Variants in GNG7 observed in about 807,000 individuals in gnomAD.
GNG7 encodes the protein guanine nucleotide-binding protein G(I)/G(S)/G(O) subunit gamma-7.
In GNG7, 1 loss-of-function variant was observed where a neutral mutation model predicts 4.0. The ratio of observed to expected loss-of-function variants is 0.25; its 90% CI spans 0.09 to 1.18. The LOEUF is 1.18. Ranked by LOEUF, GNG7 falls within the 50% of genes most tolerant of loss-of-function variation. The probability of loss-of-function intolerance (pLI) is 0.50; values close to 1 mark genes in which losing one functional copy is unlikely to be tolerated. For missense variants in GNG7, 86 were observed against 91.9 expected, an observed-to-expected ratio of 0.94 and a Z score of 0.26; for synonymous variants, 34 against 36.9, an observed-to-expected ratio of 0.92 and a Z score of 0.29.
chr19:2,605,239 C>G (rs150369440), intron 2 of GNG7, among the ~76,000 whole-genome samples: 4 of 152,160 alleles, frequency 2.6e-5, no homozygotes, highest in African/African-American at 9.7e-5. Flanking sequence ...TCTCTGTTGC[C>G]CAGGTTGGAG....
rs930986026 is a variant in GNG7 at position 2,512,935 on chromosome 19, C to A, written c.*2087G>T. 4.1e-6 allele frequency: 4 copies of A among 985,394 alleles called. No homozygotes were observed. The highest frequency in any genetic ancestry group is 6.1e-5 in the Admixed American group (1 of 16,264). 61.0% of individuals were successfully genotyped at this position (985,394 alleles called of 1,614,324 possible). A position where few individuals can be genotyped will look rare whatever the true frequency, so the allele number is the denominator to read the frequency against. The stretch of plus-strand genomic sequence containing the variant: ...CACCCCAAACCCTGCCGGCTCCCAG[C>A]CCAACCACAGGAGGCTGCAGTCTCC... On this transcript the variant is annotated 3_prime_UTR_variant, in exon 5 of 5. Transcript: ENST00000382159. The surrounding 1 kb of genome is among the most constrained non-coding windows in gnomAD (Gnocchi z 4.7).
chr19:2,684,674 C>A (rs955356904), intron 1 of GNG7, among the ~76,000 whole-genome samples: 5 of 152,144 alleles, frequency 3.3e-5, no homozygotes, highest in African/African-American at 1.2e-4. Context: ...TTCCCAGAGC[C>A]CTCAGATTCA....
chr19:2,657,900 CCTCTCT>C (rs111871407), intron 1 of GNG7, among the ~76,000 whole-genome samples: 14 of 148,014 alleles, frequency 9.5e-5, no homozygotes, highest in Admixed American at 5.5e-4. Context: ...TAAGCTGTCT[CCTCTCT>C]CTCTCTCTCT....
chr19:2,639,882 GGAGGGAGA>G, intron 2 of GNG7, among the ~76,000 whole-genome samples: 1 of 53,706 alleles, frequency 1.9e-5, no homozygotes, highest in African/African-American at 8.4e-5. Context: ...AAGGAAGGAG[GGAGGGAGA>G]GAGGGAAGGA....
intron 2 of GNG7, among the ~76,000 whole-genome samples, chr19:2,578,274 G>A (rs1293965072): frequency 6.6e-6 from 1 of 152,092 alleles, no homozygotes; most frequent in African/African-American, 2.4e-5. Flanking sequence ...CAAATCCCCC[G>A]TTAGAGCCGG....
At chr19:2,624,624 C>T (rs1024790441) in intron 2 of GNG7, among the ~76,000 whole-genome samples, 1 of 152,196 alleles carries the variant, frequency 6.6e-6, no homozygotes, top group Non-Finnish European at 1.5e-5. Context: ...GTCTGGTTGC[C>T]GGTGGTGCCA....
intron 2 of GNG7, among the ~76,000 whole-genome samples, chr19:2,636,637 G>T (rs1395797944): frequency 1.3e-5 from 2 of 152,138 alleles, no homozygotes; most frequent in African/African-American, 2.4e-5. Flanking sequence ...AGTGCCTCCC[G>T]CCTCCTGCCA....
intron 2 of GNG7, among the ~76,000 whole-genome samples, chr19:2,635,860 G>A (rs1018626272): frequency 1.3e-5 from 2 of 152,082 alleles, no homozygotes; most frequent in African/African-American, 4.8e-5. Context: ...TGGGATTACA[G>A]GTGTGAGCCA....
intron 1 of GNG7, among the ~76,000 whole-genome samples, chr19:2,673,270 AAACAAAAC>A (rs1983508793): frequency 1.4e-5 from 2 of 146,970 alleles, no homozygotes; most frequent in South Asian, 2.1e-4. Context: ...AAAAAAAACA[AAACAAAAC>A]AAAACAAAAC....
At chr19:2,601,120 G>C (rs1435309926) in intron 2 of GNG7, among the ~76,000 whole-genome samples, 1 of 151,980 alleles carries the variant, frequency 6.6e-6, no homozygotes, top group African/African-American at 2.4e-5. Context: ...GGGTGACAAG[G>C]AGAGACCTCC....
At chr19:2,606,695 A>C (rs11882926) in intron 2 of GNG7, among the ~76,000 whole-genome samples, 2 of 149,474 alleles carry the variant, frequency 1.3e-5, no homozygotes, top group East Asian at 3.9e-4. Flanking sequence ...TAATTAATTT[A>C]AAAAAAAAGT....
chr19:2,643,002 T>C, intron 2 of GNG7: 1 of 449,042 alleles, frequency 2.2e-6, no homozygotes, highest in Non-Finnish European at 4.4e-6. Flanking sequence ...CTCTCCGGGC[T>C]CTACACACCT....
At chr19:2,548,709 A>T (rs1292042724) in intron 3 of GNG7, among the ~76,000 whole-genome samples, 1 of 152,166 alleles carries the variant, frequency 6.6e-6, no homozygotes, top group South Asian at 2.1e-4. Context: ...GAATCGCTTG[A>T]ACCCACGTGG....
intron 2 of GNG7, among the ~76,000 whole-genome samples, chr19:2,604,679 A>G (rs1300751351): frequency 2.8e-5 from 4 of 140,696 alleles, no homozygotes; most frequent in African/African-American, 7.8e-5. Context: ...GGAAGGAAGG[A>G]AGGGAGGGAG....
At chr19:2,671,455 C>A (rs1275185162) in intron 1 of GNG7, among the ~76,000 whole-genome samples, 1 of 152,154 alleles carries the variant, frequency 6.6e-6, no homozygotes, top group Admixed American at 6.5e-5. Context: ...GTCCGGCCTG[C>A]CTTCTGCCTC....
intron 3 of GNG7, among the ~76,000 whole-genome samples, chr19:2,537,751 G>T (rs1978789570): frequency 6.6e-6 from 1 of 151,460 alleles, no homozygotes; most frequent in African/African-American, 2.4e-5. Context: ...CCCGGTTACA[G>T]TGACTGCAGG....
Position 2,572,596 on chromosome 19 carries a change from CCT to C in GNG7, c.-77-17410_-77-17409del, listed in dbSNP as rs1491397007. Among the ~76,000 whole-genome samples the C allele has an allele frequency of 4.6e-3, 659 of 143,026 alleles. 5 individuals carry two copies. Among genetic ancestry groups the C allele is most frequent in the Non-Finnish European group, 8.1e-3 (523 of 64,642 alleles). The allele number at this position is 143,026 out of a possible 152,430, so 93.8% of individuals were successfully genotyped here. ...ACAGGTGTAAGCCACCGCGCCCGGCCCTTTTTTTTTTTTTTTTTAAGAGTTAA... is the reference window on the plus strand; with the variant it reads ...ACAGGTGTAAGCCACCGCGCCCGGCCTTTTTTTTTTTTTTTTAAGAGTTAA... On this transcript the variant is annotated intron_variant, in intron 2 of 4. Coordinates refer to ENST00000382159, the MANE Select transcript of GNG7 (RefSeq NM_052847.3).
chr19:2,565,124 C>T (rs151012489), intron 2 of GNG7, among the ~76,000 whole-genome samples: 1,583 of 152,318 alleles, frequency 0.01, 13 homozygotes, highest in Non-Finnish European at 0.015. Context: ...GAGAAGATGA[C>T]GCCTTCCTGT....
intron 2 of GNG7, among the ~76,000 whole-genome samples, chr19:2,571,588 CTTTTTTTT>C (rs779497111): frequency 2.1e-4 from 14 of 68,022 alleles, no homozygotes; most frequent in South Asian, 1.1e-3. Context: ...CATTTCTTTC[CTTTTTTTT>C]TTTTTTTTTT....
Sources: allele counts gnomAD v4.1 joint callset (sites outside exome capture counted in the v4.1 genomes callset), GRCh38; gene constraint gnomAD v4.1.1; non-coding constraint Gnocchi (gnomAD v3.1); transcripts MANE v1.5; gene names NCBI Gene and HGNC (gene_info 2026-07-23, HGNC 2026-07-21).